The following PFKM variants were observed in gnomAD, a reference collection of about 807,000 sequenced individuals.
The protein encoded by PFKM is phosphofructokinase, muscle.
PFKM carries 58 observed loss-of-function variants against 95.5 expected under a neutral mutation model. That is an observed-to-expected ratio of 0.61 (90% confidence interval 0.49 to 0.76). The LOEUF (loss-of-function observed/expected upper bound fraction) is 0.76. PFKM is among the 30% of genes least tolerant of loss of function. The pLI, the probability that PFKM is intolerant of heterozygous loss-of-function variation, is 0.00. For synonymous variants in PFKM, 336 were observed against 357.2 expected, an observed-to-expected ratio of 0.94 and a Z score of 0.67; for missense variants, 678 against 1,005.4, an observed-to-expected ratio of 0.67 and a Z score of 4.40.
intron 4 of PFKM, 68 bp downstream of exon 4, chr12:48,131,461 T>G: frequency 8.9e-7 from 1 of 1,124,558 alleles, no homozygotes; most frequent in Non-Finnish European, 1.4e-6. Flanking sequence ...TGTTTTGGGC[T>G]CATGGTCTCC....
Position 48,144,109 on chromosome 12 carries a change from G to A in PFKM, c.1944G>A (p.Gly648=). The A allele has an allele frequency of 6.2e-7, 1 of 1,614,000 alleles. No individual in the cohort carries two copies. Among genetic ancestry groups the A allele is most frequent in the Non-Finnish European group, 8.5e-7 (1 of 1,179,854 alleles). The change falls in exon 20 of 23, where the codon GGG becomes GGA. Residue 648 remains glycine (G), a synonymous_variant. Transcript: ENST00000359794. The stretch of plus-strand genomic sequence containing the variant: ...TTTTCAACCTGTACTCTGAGGAGGG[G>A]AAGGGCATCTTCGACAGCAGGAAGA... ...DFIFNLYSEE[G]KGIFDSRKNV... is the part of the protein sequence containing the mutation.
intron 2 of PFKM, chr12:48,125,284 A>T (rs1274044592): frequency 4.5e-6 from 2 of 441,924 alleles, no homozygotes; most frequent in Non-Finnish European, 4.5e-6. Context: ...ATAGCCAGCC[A>T]TTACAAATGT....
At chr12:48,114,521 G>A (rs944629093), upstream of PFKM, among the ~76,000 whole-genome samples, 1 of 152,126 alleles carries the variant, frequency 6.6e-6, no homozygotes, top group African/African-American at 2.4e-5. Flanking sequence ...AAGAGTTGGA[G>A]CCTGATTCAG....
chr12:48,116,181 C>G (rs1185706131), upstream of PFKM, among the ~76,000 whole-genome samples: 1 of 143,886 alleles, frequency 6.9e-6, no homozygotes, highest in Non-Finnish European at 1.5e-5. Context: ...TCCTTTCTTC[C>G]TCTCCCTCTC....
chr12:48,134,560 T>A (rs1949877921), intron 7 of PFKM, among the ~76,000 whole-genome samples, 161 bp from the exon 8 acceptor site: 1 of 152,218 alleles, frequency 6.6e-6, no homozygotes, highest in South Asian at 2.1e-4. Flanking sequence ...AGAGACAGAA[T>A]CTCATTGAGG....
chr12:48,109,284 G>A (rs1946978054), intron 3 of PFKM, among the ~76,000 whole-genome samples: 1 of 152,118 alleles, frequency 6.6e-6, no homozygotes, highest in Non-Finnish European at 1.5e-5. Flanking sequence ...CCAGCTGACT[G>A]CTCAGAGCCA....
In PFKM at chr12:48,145,198, C is replaced by T. The variant is rs749277049; in HGVS notation, c.2093-12C>T. 1 of 1,613,410 alleles carries T rather than the reference C, an allele frequency of 6.2e-7. No homozygotes were observed. The highest frequency in any genetic ancestry group is 8.5e-7 in the Non-Finnish European group (1 of 1,179,330). ...CCCAGTATAGAAGCTGACTGCCCAT[C>T]CCTCATTGCAGGGCGGATCTTTGCC... On this transcript the variant is annotated splice_polypyrimidine_tract_variant and intron_variant, in intron 21 of 22. Coordinates refer to ENST00000359794, the MANE Select transcript of PFKM (RefSeq NM_000289.6). The surrounding 1 kb of genome is among the most constrained non-coding windows in gnomAD (Gnocchi z 4.3).
chr12:48,125,063 G>A (rs1399047533), intron 2 of PFKM, among the ~76,000 whole-genome samples: 2 of 152,146 alleles, frequency 1.3e-5, no homozygotes, highest in African/African-American at 4.8e-5. Context: ...ATCTCTTGAG[G>A]TAGAAAAATG....
At chr12:48,143,394 C>T (rs80160511) in intron 18 of PFKM, among the ~76,000 whole-genome samples, 4,119 of 152,220 alleles carry the variant, frequency 0.027, 185 homozygotes, top group African/African-American at 0.093. Context: ...GAGATACTCT[C>T]TCAAAACAGA....
intron 6 of PFKM, among the ~76,000 whole-genome samples, chr12:48,133,805 A>G (rs965671796): frequency 3.9e-5 from 6 of 152,168 alleles, no homozygotes; most frequent in Non-Finnish European, 7.3e-5. Context: ...CTTTCCAACC[A>G]TATCATAGAA....
At chr12:48,123,768 T>C (rs1278943771) in intron 2 of PFKM, among the ~76,000 whole-genome samples, 3 of 152,220 alleles carry the variant, frequency 2.0e-5, no homozygotes, top group Admixed American at 6.5e-5. Context: ...TGAATTCCTT[T>C]AGGAATTTAT....
Position 48,137,827 on chromosome 12 carries a change from T to C in PFKM, c.1043T>C (p.Leu348Pro), listed in dbSNP as rs1203659685. 3.1e-6 allele frequency: 5 copies of C among 1,614,058 alleles called. No homozygotes were observed. Among genetic ancestry groups the C allele is most frequent in the Non-Finnish European group, 4.2e-6 (5 of 1,180,022 alleles). ...LSGNQAVRLP[L>P]MECVQVTKDV... The stretch of plus-strand genomic sequence containing the variant: ...GGTAACCAGGCTGTGCGCCTGCCCC[T>C]CATGGAATGTGTCCAGGTGGTAAGT... The change falls in exon 11 of 23, where the codon CTC (leucine) becomes CCC (proline). Residue 348 changes from leucine to proline, a missense_variant. Leu to Pro is a moderately conservative substitution (Grantham distance 98). Transcript: ENST00000359794.
intron 1 of PFKM, among the ~76,000 whole-genome samples, chr12:48,107,117 T>TA (rs1946731172): frequency 6.6e-6 from 1 of 152,132 alleles, no homozygotes; most frequent in Non-Finnish European, 1.5e-5. Context: ...AGCTCAGACT[T>TA]AAAGAAGGGC....
chr12:48,131,484 C>G, intron 4 of PFKM, 91 bp downstream of exon 4: 1 of 898,062 alleles, frequency 1.1e-6, no homozygotes. Flanking sequence ...AATTCCCTGT[C>G]ATGTGGTTTC....
At chr12:48,105,668 G>C (rs1013233768), upstream of PFKM, 68 of 431,894 alleles carry the variant, frequency 1.6e-4, no homozygotes, top group African/African-American at 2.8e-4. Context: ...CCCCAGAGAA[G>C]ACCCAGCTCT....
chr12:48,116,273 A>C (rs1413358835), upstream of PFKM, among the ~76,000 whole-genome samples: 78 of 111,938 alleles, frequency 7.0e-4, no homozygotes, highest in African/African-American at 1.2e-3. Flanking sequence ...ACCCCTCCCT[A>C]CCTCCTTCCT....
At chr12:48,144,902 T>C (rs760611147) in intron 20 of PFKM, 129 bp from the exon 21 acceptor site, 32 of 749,646 alleles carry the variant, frequency 4.3e-5, no homozygotes, top group Non-Finnish European at 6.9e-5. Context: ...CTTTCATAGT[T>C]TGACTTCTGG....
rs777077546 is a variant in PFKM at position 48,145,153 on chromosome 12, C to T, written c.2092+23C>T. On this transcript the variant is annotated intron_variant, in intron 21 of 22. Coordinates refer to ENST00000359794, the MANE Select transcript of PFKM (RefSeq NM_000289.6). This position sits in a 1 kb window ranked among gnomAD's most constrained non-coding sequence, Gnocchi z 4.3. The stretch of plus-strand genomic sequence containing the variant: ...ATGGTAGGTGGGGTGAGAGCGAGTG[C>T]CCTCTATAGAGGCTGGTTCCCCAGT... The T allele has an allele frequency of 1.1e-5, 17 of 1,608,058 alleles. No individual in the cohort carries two copies. Among genetic ancestry groups the T allele is most frequent in the Non-Finnish European group, 1.4e-5 (16 of 1,174,426 alleles).
In PFKM at chr12:48,145,342, T is replaced by C; in HGVS notation, c.2198+27T>C. The C allele has an allele frequency of 6.4e-7, 1 of 1,566,388 alleles. No homozygotes were observed. Among genetic ancestry groups the C allele is most frequent in the Non-Finnish European group, 8.8e-7 (1 of 1,136,548 alleles). ...TGAGTACATCTGCTTCCTGGAGTGG[T>C]TCTTTTCCCTGGTAGTTTCAAGCTC... On this transcript the variant is annotated intron_variant, in intron 22 of 22. Coordinates refer to ENST00000359794, the MANE Select transcript of PFKM (RefSeq NM_000289.6). This position sits in a 1 kb window ranked among gnomAD's most constrained non-coding sequence, Gnocchi z 4.3.
Sources: gnomAD v4.1 joint callset for allele counts (sites outside exome capture counted in the v4.1 genomes callset) on GRCh38, gnomAD v4.1.1 for gene constraint, Gnocchi (gnomAD v3.1) non-coding constraint, MANE v1.5 for transcripts, NCBI Gene and HGNC (gene_info 2026-07-23, HGNC 2026-07-21) for gene names.